CNTN4: variants seen among roughly 807,000 people sequenced by gnomAD.
CNTN4 encodes contactin 4, also known as contactin-4.
In CNTN4, 77 loss-of-function variants were observed where a neutral mutation model predicts 122.5. The observed-to-expected ratio is 0.63, with a 90% CI of 0.52 to 0.76. CNTN4 has a LOEUF of 0.76. CNTN4 is among the 30% of genes least tolerant of loss of function. The probability of loss-of-function intolerance (pLI) is 0.00; values close to 1 mark genes in which losing one functional copy is unlikely to be tolerated. For missense variants in CNTN4, 1,256 were observed against 1,259.1 expected (o/e 1.00, Z 0.04); for synonymous variants, 512 against 447.0 (o/e 1.15, Z -1.83).
intron 3 of CNTN4, among the ~76,000 whole-genome samples, chr3:2,518,676 A>C (rs941340023): frequency 2.0e-5 from 3 of 152,198 alleles, no homozygotes; most frequent in Non-Finnish European, 1.5e-5. Flanking sequence ...ATATAGTTTT[A>C]CAGATAGAAT....
chr3:2,696,666 G>A (rs867116210), intron 4 of CNTN4, among the ~76,000 whole-genome samples: 8 of 152,162 alleles, frequency 5.3e-5, no homozygotes, highest in African/African-American at 1.9e-4. Context: ...ATCCCAAAGG[G>A]ACTGAGACAG....
chr3:2,942,838 A>G (rs541843726), intron 13 of CNTN4, among the ~76,000 whole-genome samples: 2 of 152,284 alleles, frequency 1.3e-5, no homozygotes, highest in East Asian at 3.9e-4. Flanking sequence ...TCCCAAATTT[A>G]TCTGGAAATC....
At chr3:3,003,968 C>T (rs773466896) in intron 14 of CNTN4, among the ~76,000 whole-genome samples, 17 of 152,082 alleles carry the variant, frequency 1.1e-4, no homozygotes, top group Non-Finnish European at 2.4e-4. Flanking sequence ...CCATATTGCC[C>T]AGGCTAGTCT....
chr3:2,102,356 G>A (rs533847587), intron 2 of CNTN4, among the ~76,000 whole-genome samples: 1 of 152,264 alleles, frequency 6.6e-6, no homozygotes, highest in African/African-American at 2.4e-5. Flanking sequence ...GTTTCTTTAG[G>A]TATAAAATTG....
chr3:2,203,596 A>G (rs901921138), intron 2 of CNTN4, among the ~76,000 whole-genome samples: 8 of 152,168 alleles, frequency 5.3e-5, no homozygotes, highest in Admixed American at 2.6e-4. Context: ...AGTTAATTAG[A>G]GAAAATGTAC....
chr3:2,232,546 A>G (rs1384328424), intron 2 of CNTN4, among the ~76,000 whole-genome samples: 1 of 152,142 alleles, frequency 6.6e-6, no homozygotes, highest in Non-Finnish European at 1.5e-5. Context: ...GACCAATAAC[A>G]GGCTGTCTAA....
At position 2,841,992 on chromosome 3, in the gene CNTN4, GC is replaced by G. The variant is rs1361821913; in HGVS notation, c.454+22416del. On this transcript the variant is annotated intron_variant, in intron 7 of 24. Transcript: ENST00000418658. This position sits in a 1 kb window ranked among gnomAD's most constrained non-coding sequence, Gnocchi z 4.8. ...AATAAATAAATAAATGAAGCTAGCT[GC>G]CCCCATTTTTTTCAAGAACATGTTA... Among the ~76,000 whole-genome samples the G allele has an allele frequency of 7.9e-5, 12 of 152,026 alleles. No individual in the cohort carries two copies. The highest frequency in any genetic ancestry group is 7.9e-4 in the Admixed American group (12 of 15,264).
chr3:2,441,413 A>G (rs1489591883), intron 3 of CNTN4, among the ~76,000 whole-genome samples: 5 of 152,348 alleles, frequency 3.3e-5, no homozygotes, highest in Non-Finnish European at 1.5e-5. Context: ...CCCAAGAGAA[A>G]TAAAACTATA....
chr3:2,713,530 C>T (rs2087284801), intron 4 of CNTN4, among the ~76,000 whole-genome samples: 1 of 152,248 alleles, frequency 6.6e-6, no homozygotes. Context: ...TCATTCCTTT[C>T]CTCTGGATAT....
chr3:2,130,970 A>G (rs1416769762), intron 2 of CNTN4, among the ~76,000 whole-genome samples: 1 of 152,166 alleles, frequency 6.6e-6, no homozygotes, highest in East Asian at 1.9e-4. Flanking sequence ...GGTTGGGCTG[A>G]CAGTGTGTTT....
intron 4 of CNTN4, among the ~76,000 whole-genome samples, chr3:2,575,317 G>C (rs1310253054): frequency 2.6e-5 from 4 of 152,092 alleles, no homozygotes; most frequent in Admixed American, 6.5e-5. Flanking sequence ...TTCAACAGCA[G>C]TGTGGCCAAC....
chr3:2,792,910 ATG>A (rs575791847), intron 6 of CNTN4, among the ~76,000 whole-genome samples: 12 of 152,314 alleles, frequency 7.9e-5, no homozygotes, highest in Non-Finnish European at 1.3e-4. Context: ...CATTCCTCTG[ATG>A]AGTGAAGATT....
chr3:2,877,557 G>A (rs1328166608), intron 8 of CNTN4, among the ~76,000 whole-genome samples: 1 of 152,180 alleles, frequency 6.6e-6, no homozygotes, highest in Non-Finnish European at 1.5e-5. Context: ...GTATGGCTGA[G>A]GTTGTATATT....
intron 9 of CNTN4, among the ~76,000 whole-genome samples, chr3:2,883,742 T>G (rs114385152): frequency 3.9e-5 from 6 of 152,232 alleles, no homozygotes; most frequent in African/African-American, 1.2e-4. Flanking sequence ...AGACGTGTTG[T>G]TCTCTAAGAG....
In CNTN4 at chr3:3,026,144, C is replaced by G. The variant is rs1698698468; in HGVS notation, c.1529C>G (p.Thr510Ser). ...GTACCCCCTTCCAGTATGGATGTCA[C>G]TGTTGGAGAGAGTATTGTTTTACCG... ...VMVPPSSMDV[T>S]VGESIVLPCQ... Residue 510 changes from threonine to serine, a missense_variant, in exon 15 of 25, where the codon ACT becomes AGT. Thr to Ser is a moderately conservative substitution (Grantham distance 58). Transcript: ENST00000418658. The G allele has an allele frequency of 6.2e-7, 1 of 1,613,398 alleles. No homozygotes were observed. The highest frequency in any genetic ancestry group is 8.5e-7 in the Non-Finnish European group (1 of 1,179,526).
Position 2,708,727 on chromosome 3 carries a change from TCACACACACACACACACACACACA to T in CNTN4, c.56-27470_56-27447del, listed in dbSNP as rs10530575. Among the ~76,000 whole-genome samples the T allele has an allele frequency of 5.5e-3, 829 of 150,892 alleles. 4 individuals carry two copies. Among genetic ancestry groups the T allele is most frequent in the Non-Finnish European group, 8.1e-3 (546 of 67,562 alleles). On this transcript the variant is annotated intron_variant, in intron 4 of 24. Transcript: ENST00000418658. ...GCACGCAGGCACGCGCACGCGCGCA[TCACACACACACACACACACACACA>T]CACACACACACACACACTGCCCAGA...
chr3:2,348,442 C>A (rs922193345), intron 3 of CNTN4, among the ~76,000 whole-genome samples: 4 of 152,158 alleles, frequency 2.6e-5, no homozygotes, highest in Non-Finnish European at 4.4e-5. Flanking sequence ...CCTCCTTAGA[C>A]ATCAAAACCC....
intron 3 of CNTN4, among the ~76,000 whole-genome samples, chr3:2,481,424 AG>A (rs1183362865): frequency 6.6e-6 from 1 of 152,172 alleles, no homozygotes; most frequent in Non-Finnish European, 1.5e-5. Context: ...TACAGGTGTG[AG>A]CCACTGTGCC....
intron 6 of CNTN4, among the ~76,000 whole-genome samples, chr3:2,778,492 TTC>T (rs1217824786): frequency 6.6e-6 from 1 of 152,140 alleles, no homozygotes; most frequent in Non-Finnish European, 1.5e-5. Context: ...ACTACTGTTT[TTC>T]TCTGTTTACA....
Sources: gnomAD v4.1 joint callset for allele counts (sites outside exome capture counted in the v4.1 genomes callset) on GRCh38, gnomAD v4.1.1 for gene constraint, Gnocchi (gnomAD v3.1) non-coding constraint, MANE v1.5 for transcripts, NCBI Gene and HGNC (gene_info 2026-07-23, HGNC 2026-07-21) for gene names.